Variants in SHC3 observed in about 807,000 individuals in gnomAD.
The protein encoded by SHC3 is SHC-transforming protein 3.
SHC3 carries 15 observed loss-of-function variants against 60.4 expected under a neutral mutation model. The ratio of observed to expected loss-of-function variants is 0.25; its 90% confidence interval spans 0.17 to 0.38. SHC3 has a LOEUF of 0.38. Among genes scored for constraint, SHC3 ranks in the 10% least tolerant of loss-of-function variants. The pLI, the probability that SHC3 is intolerant of heterozygous loss-of-function variation, is 1.00. For synonymous variants in SHC3, 294 were observed against 325.9 expected (o/e 0.90, Z 1.05); for missense variants, 677 against 786.1 (o/e 0.86, Z 1.66).
chr9:89,172,985 G>C (rs1826891738), intron 1 of SHC3, among the ~76,000 whole-genome samples: 1 of 152,150 alleles, frequency 6.6e-6, no homozygotes, highest in African/African-American at 2.4e-5. Flanking sequence ...GTGCTTCCCT[G>C]GGCCCGTCTC....
intron 1 of SHC3, among the ~76,000 whole-genome samples, chr9:89,118,284 A>G (rs1826045552): frequency 6.6e-6 from 1 of 151,270 alleles, no homozygotes; most frequent in Non-Finnish European, 1.5e-5. Flanking sequence ...GAGAAAACTC[A>G]AGCAGTGGGC....
chr9:89,060,821 G>A (rs534560934), intron 6 of SHC3, among the ~76,000 whole-genome samples: 1 of 152,224 alleles, frequency 6.6e-6, no homozygotes, highest in South Asian at 2.1e-4. Flanking sequence ...GGGGCAGCAG[G>A]GCAGTGGCAA....
At chr9:89,067,669 A>G (rs1294798134) in intron 5 of SHC3, among the ~76,000 whole-genome samples, 1 of 152,228 alleles carries the variant, frequency 6.6e-6, no homozygotes, top group East Asian at 1.9e-4. Flanking sequence ...CCAGGTGCCC[A>G]TGGTAATGAA....
chr9:89,049,683 C>T (rs776556222), intron 7 of SHC3, among the ~76,000 whole-genome samples: 2 of 152,210 alleles, frequency 1.3e-5, no homozygotes, highest in Non-Finnish European at 2.9e-5. Flanking sequence ...CTAAAGGTTT[C>T]TCTGTAAATC....
rs1826022529 is a variant in SHC3, at chr9:89,012,277, A to T, written c.*1170T>A. On this transcript the variant is annotated 3_prime_UTR_variant, in exon 12 of 12. Coordinates refer to ENST00000375835, the MANE Select transcript of SHC3 (RefSeq NM_016848.6). ...ACAGTATTTTACCTGGAAGAAAGGG[A>T]GTCAAGACAAAGAGTGGGGGCAGGC... 6.6e-6 allele frequency: 1 copy of T among 152,256 alleles called. No homozygotes were observed. Among genetic ancestry groups the T allele is most frequent in the Non-Finnish European group, 1.5e-5 (1 of 68,056 alleles). 9.4% of individuals were successfully genotyped at this position (152,256 alleles called of 1,614,324 possible).
At chr9:89,088,007 A>G (rs2118044375) in intron 2 of SHC3, among the ~76,000 whole-genome samples, 1 of 152,096 alleles carries the variant, frequency 6.6e-6, no homozygotes, top group Admixed American at 6.5e-5. Context: ...TCTTGTGGGG[A>G]AAATCTACAC....
intron 1 of SHC3, among the ~76,000 whole-genome samples, chr9:89,136,739 T>C (rs1826325302): frequency 1.3e-5 from 2 of 152,218 alleles, no homozygotes; most frequent in Non-Finnish European, 2.9e-5. Flanking sequence ...CATTTTACTC[T>C]ATGGATTTGC....
chr9:89,126,257 A>G (rs77313755), intron 1 of SHC3, among the ~76,000 whole-genome samples: 2,093 of 152,278 alleles, frequency 0.014, 20 homozygotes, highest in Middle Eastern at 0.037. Flanking sequence ...TAAAGGCCCC[A>G]CTTAATAAAA....
chr9:89,031,300 C>T (rs947908982), intron 11 of SHC3, among the ~76,000 whole-genome samples: 66 of 152,156 alleles, frequency 4.3e-4, no homozygotes, highest in Non-Finnish European at 2.1e-4. Flanking sequence ...TCAGTATATT[C>T]GCAGATACAT....
rs1025583290 is a variant in SHC3, at chr9:89,163,578, A to T, written c.474+14409T>A. On this transcript the variant is annotated intron_variant, in intron 1 of 11. Transcript: ENST00000375835. ...ATGGACACAGGAAGGGGAATATTAC[A>T]CTCTGGGGACTGTTGTGGGGTGGGG... is the stretch of plus-strand genomic sequence containing the variant. 4.4e-5 allele frequency among the ~76,000 whole-genome samples: 5 copies of T among 113,750 alleles called. No homozygotes were observed. The East Asian group carries it at 1.1e-3, about 25-fold the overall frequency. 74.6% of individuals were successfully genotyped at this position (113,750 alleles called of 152,430 possible). A position where few individuals can be genotyped will look rare whatever the true frequency, so the allele number is the denominator to read the frequency against.
chr9:89,092,500 C>T (rs574750052), intron 2 of SHC3, among the ~76,000 whole-genome samples: 1 of 151,600 alleles, frequency 6.6e-6, no homozygotes, highest in South Asian at 2.1e-4. Flanking sequence ...ACCTGTAGTC[C>T]CAGCTACTCG....
At chr9:89,083,161 C>T (rs1016177857) in intron 2 of SHC3, among the ~76,000 whole-genome samples, 10 of 152,184 alleles carry the variant, frequency 6.6e-5, no homozygotes, top group African/African-American at 2.4e-4. Context: ...CTGCACTCCC[C>T]AGAAGCCTTC....
intron 9 of SHC3, among the ~76,000 whole-genome samples, chr9:89,043,861 C>T (rs1367209875): frequency 1.3e-5 from 2 of 152,072 alleles, no homozygotes; most frequent in Non-Finnish European, 2.9e-5. Flanking sequence ...ACCATGTTGG[C>T]CAGGCTGGCA....
chr9:89,153,089 G>A (rs1286564574), intron 1 of SHC3, among the ~76,000 whole-genome samples: 1 of 152,082 alleles, frequency 6.6e-6, no homozygotes, highest in Admixed American at 6.5e-5. Flanking sequence ...TGCTCGTTGA[G>A]CTGATTATTT....
intron 1 of SHC3, among the ~76,000 whole-genome samples, chr9:89,159,071 G>A (rs186728912): frequency 8.6e-5 from 13 of 151,404 alleles, no homozygotes; most frequent in Admixed American, 5.9e-4. Context: ...AGAAAAGAAT[G>A]TGTGACTTTG....
At chr9:89,042,244 G>C in intron 9 of SHC3, 60 bp from the exon 10 acceptor site, 13 of 1,460,716 alleles carry the variant, frequency 8.9e-6, no homozygotes, top group Non-Finnish European at 1.2e-5. Context: ...AAGCCACCCA[G>C]CCTTTCACAA....
At chr9:89,174,750 A>T (rs1222581498) in intron 1 of SHC3, among the ~76,000 whole-genome samples, 1 of 152,212 alleles carries the variant, frequency 6.6e-6, no homozygotes, top group Non-Finnish European at 1.5e-5. Flanking sequence ...TTCCTGCTCC[A>T]GCCTCGCCCC....
rs145386252 is a variant in SHC3 at position 89,032,689 on chromosome 9, C to T, written c.1656+5304G>A. The stretch of plus-strand genomic sequence containing the variant: ...AGATGCCCCACGCAGCTTCTCACCA[C>T]GTTTCCAGTGATCTCAGTGGACGGT... On this transcript the variant is annotated intron_variant, in intron 11 of 11. Transcript: ENST00000375835. Among the ~76,000 whole-genome samples the T allele has an allele frequency of 3.9e-5, 6 of 152,250 alleles. No homozygotes were observed. The East Asian group carries it at 1.2e-3, about 29-fold the overall frequency.
intron 1 of SHC3, among the ~76,000 whole-genome samples, chr9:89,133,749 TG>T (rs1006018543): frequency 6.6e-6 from 1 of 151,586 alleles, no homozygotes; most frequent in Non-Finnish European, 1.5e-5. Flanking sequence ...CATCACACAC[TG>T]GGGCCTGTCA....
Sources: gnomAD v4.1 joint callset for allele counts (sites outside exome capture counted in the v4.1 genomes callset) on GRCh38, gnomAD v4.1.1 for gene constraint, MANE v1.5 for transcripts, NCBI Gene and HGNC (gene_info 2026-07-23, HGNC 2026-07-21) for gene names.